TNRC6A: variants seen among roughly 807,000 people sequenced by gnomAD.
The protein encoded by TNRC6A is trinucleotide repeat containing adaptor 6A.
TNRC6A carries 44 observed loss-of-function variants against 221.2 expected under a neutral mutation model. The ratio of observed to expected loss-of-function variants is 0.20; its 90% CI spans 0.16 to 0.26. The LOEUF (loss-of-function observed/expected upper bound fraction) is 0.26. Ranked by LOEUF, TNRC6A falls within the 10% of genes least tolerant of loss-of-function variation. The pLI is 1.00. For synonymous variants in TNRC6A, 847 were observed against 838.5 expected, an observed-to-expected ratio of 1.01 and a Z score of -0.18; for missense variants, 2,199 against 2,404.4, an observed-to-expected ratio of 0.91 and a Z score of 1.79.
At chr16:24,766,463 C>G (rs917691567) in intron 4 of TNRC6A, among the ~76,000 whole-genome samples, 1 of 152,064 alleles carries the variant, frequency 6.6e-6, no homozygotes, top group African/African-American at 2.4e-5. Flanking sequence ...CAGGGTTCCT[C>G]CATACCCAGA....
At chr16:24,733,851 G>A (rs553962291) in intron 2 of TNRC6A, among the ~76,000 whole-genome samples, 18 of 152,308 alleles carry the variant, frequency 1.2e-4, no homozygotes, top group East Asian at 7.7e-4. Context: ...GGCAAGAAGC[G>A]ATGGAGGCCT....
At chr16:24,610,438 C>T (rs1899992882) in exon 1 of TNRC6A, 1 of 152,306 alleles carries the variant, frequency 6.6e-6, no homozygotes, top group East Asian at 1.9e-4. Flanking sequence ...CTGGGGGCCC[C>T]CAGGAGCGGT....
intron 2 of TNRC6A, among the ~76,000 whole-genome samples, chr16:24,691,000 G>C (rs193173949): frequency 6.6e-6 from 1 of 151,800 alleles, no homozygotes; most frequent in Non-Finnish European, 1.5e-5. Context: ...TGGTAGAGAC[G>C]GGGTTTCACC....
chr16:24,744,086 G>A (rs950537286), intron 2 of TNRC6A, among the ~76,000 whole-genome samples: 1 of 152,158 alleles, frequency 6.6e-6, no homozygotes, highest in African/African-American at 2.4e-5. Flanking sequence ...AAGAATACAG[G>A]CTAGTTACTT....
chr16:24,646,437 C>T (rs539098603), intron 2 of TNRC6A, among the ~76,000 whole-genome samples: 1 of 152,320 alleles, frequency 6.6e-6, no homozygotes, highest in South Asian at 2.1e-4. Context: ...TATGTATACA[C>T]TGAACAGTTT....
Position 24,747,247 on chromosome 16 carries a change from C to T in TNRC6A, c.54-3479C>T, listed in dbSNP as rs572217057. On this transcript the variant is annotated intron_variant, in intron 2 of 24. Coordinates refer to ENST00000395799, the MANE Select transcript of TNRC6A (RefSeq NM_014494.4). The stretch of plus-strand genomic sequence containing the variant: ...ACACCCTTGTAATTATCACTCCAAT[C>T]AAGTTAGAAAACATTTCCATTTTCC... 7.9e-5 allele frequency among the ~76,000 whole-genome samples: 12 copies of T among 152,314 alleles called. 1 individual carries two copies. Among genetic ancestry groups the T allele is most frequent in the African/African-American group, 2.6e-4 (11 of 41,566 alleles).
intron 4 of TNRC6A, among the ~76,000 whole-genome samples, chr16:24,762,217 A>AT (rs1046807633): frequency 2.4e-4 from 36 of 152,150 alleles, no homozygotes; most frequent in African/African-American, 8.2e-4. Context: ...ACATTTATAC[A>AT]TTTTTTCCTG....
chr16:24,730,303 A>G lies in TNRC6A; in HGVS notation c.53+3A>G, dbSNP rs1292145448. On this transcript the variant is annotated splice_donor_region_variant and intron_variant, in intron 2 of 24. Coordinates refer to ENST00000395799, the MANE Select transcript of TNRC6A (RefSeq NM_014494.4). ...GACGTAGAAAGAAATCTTAGCAGGT[A>G]AGATGGGCGAGCTTTCCGTCTCCCG... 6.2e-7 allele frequency: 1 copy of G among 1,604,336 alleles called. No individual in the cohort carries two copies. The highest frequency in any genetic ancestry group is 1.7e-5 in the Admixed American group (1 of 58,668).
chr16:24,715,438 C>T (rs1340286446), intron 2 of TNRC6A, among the ~76,000 whole-genome samples: 1 of 151,846 alleles, frequency 6.6e-6, no homozygotes, highest in Non-Finnish European at 1.5e-5. Flanking sequence ...TTAACTTTGT[C>T]CCACCACTGA....
intron 4 of TNRC6A, 186 bp from the exon 5 acceptor site, chr16:24,776,747 A>C: frequency 1.0e-6 from 1 of 985,410 alleles, no homozygotes; most frequent in Non-Finnish European, 1.2e-6. Context: ...GCAGAAGTGA[A>C]ATATGACTCT....
At chr16:24,637,870 C>T (rs1372598139) in intron 1 of TNRC6A, among the ~76,000 whole-genome samples, 1 of 152,126 alleles carries the variant, frequency 6.6e-6, no homozygotes, top group East Asian at 1.9e-4. Flanking sequence ...ACTGCACCCT[C>T]CACCTCCTGG....
chr16:24,773,560 A>G lies in TNRC6A; in HGVS notation c.164-3373A>G, dbSNP rs554521395. 2.0e-5 allele frequency among the ~76,000 whole-genome samples: 3 copies of G among 152,334 alleles called. No individual in the cohort carries two copies. The South Asian group carries it at 6.2e-4, about 32-fold the overall frequency. ...TTTGTGCACGCGTGTACATGCATGC[A>G]TGCATGTTAACCTATGATTGTTTCA... is the stretch of plus-strand genomic sequence containing the variant. On this transcript the variant is annotated intron_variant, in intron 4 of 24. Transcript: ENST00000395799.
At position 24,825,035 on chromosome 16, in the gene TNRC6A, G is replaced by C. The variant is rs1008362925; in HGVS notation, c.*1228G>C. 1 of 152,498 alleles carries C rather than the reference G, an allele frequency of 6.6e-6. No individual in the cohort carries two copies. The highest frequency in any genetic ancestry group is 1.9e-4 in the East Asian group (1 of 5,200). 9.4% of individuals were successfully genotyped at this position (152,498 alleles called of 1,614,324 possible). On this transcript the variant is annotated 3_prime_UTR_variant, in exon 25 of 25. Transcript: ENST00000395799. ...TGGCTCCATATGTTTCTGCTCTCTC[G>C]TGACTGTGTTAATGTTTAACTGTTG...
At chr16:24,623,274 C>T (rs1003745706) in intron 1 of TNRC6A, among the ~76,000 whole-genome samples, 5 of 151,980 alleles carry the variant, frequency 3.3e-5, no homozygotes, top group Admixed American at 3.3e-4. Flanking sequence ...TCTCGGCTCA[C>T]TGCAAGCTCC....
rs200246924 is a variant in TNRC6A at position 24,610,730 on chromosome 16, C to T, written n.276+246C>T. ...TCTCCCTTCCCAGCCCATCTTATTCCGAGCCTCTCCTCTCTCTATCTTACT... is the reference window on the plus strand; with the variant it reads ...TCTCCCTTCCCAGCCCATCTTATTCTGAGCCTCTCCTCTCTCTATCTTACT... On this transcript the variant is annotated intron_variant and non_coding_transcript_variant, in intron 1 of 2. Transcript: ENST00000566108. 2.6e-5 allele frequency among the ~76,000 whole-genome samples: 4 copies of T among 152,200 alleles called. No individual in the cohort carries two copies. In the East Asian group the frequency reaches 7.7e-4, roughly 29 times the overall value.
Position 24,791,659 on chromosome 16 carries a change from C to T in TNRC6A, c.3017C>T (p.Ser1006Leu). The T allele has an allele frequency of 3.7e-6, 6 of 1,612,710 alleles. No individual in the cohort carries two copies. The highest frequency in any genetic ancestry group is 5.1e-6 in the Non-Finnish European group (6 of 1,179,670). ...AAAATGGAGATTGATGATGGAACTT[C>T]AGCTTGGGGAGATCCAAGCAAATAC... is the stretch of plus-strand genomic sequence containing the variant. ...RRKMEIDDGT[S>L]AWGDPSKYNY... Residue 1006 changes from serine to leucine, a missense_variant, in exon 6 of 25, where the codon TCA (serine) becomes TTA (leucine). Transcript: ENST00000395799.
At chr16:24,819,429 T>C (rs12920774) in intron 21 of TNRC6A, among the ~76,000 whole-genome samples, 23,269 of 151,920 alleles carry the variant, frequency 0.15, 1,923 homozygotes, top group Non-Finnish European at 0.19. Flanking sequence ...TGTCTTTTTC[T>C]TTCTTCCTTC....
intron 3 of TNRC6A, among the ~76,000 whole-genome samples, chr16:24,751,487 C>A (rs1451802288): frequency 6.6e-6 from 1 of 152,056 alleles, no homozygotes; most frequent in Non-Finnish European, 1.5e-5. Flanking sequence ...TTAAAAAAAT[C>A]TGTAATTATT....
chr16:24,772,881 T>C (rs2057641398), intron 4 of TNRC6A, among the ~76,000 whole-genome samples: 1 of 152,234 alleles, frequency 6.6e-6, no homozygotes, highest in Non-Finnish European at 1.5e-5. Flanking sequence ...ATTTCTTCTA[T>C]GTAAACTAGC....
Sources: allele counts gnomAD v4.1 joint callset (sites outside exome capture counted in the v4.1 genomes callset), GRCh38; gene constraint gnomAD v4.1.1; transcripts MANE v1.5; gene names NCBI Gene and HGNC (gene_info 2026-07-23, HGNC 2026-07-21).